The following DOCK10 variants were observed in gnomAD, a reference collection of about 807,000 sequenced individuals.
DOCK10 encodes dedicator of cytokinesis protein 10.
In DOCK10, 145 loss-of-function variants were observed where a neutral mutation model predicts 280.1. That is an observed-to-expected ratio of 0.52 (90% CI 0.45 to 0.59). The LOEUF (loss-of-function observed/expected upper bound fraction) is 0.59, where lower values mean the gene tolerates loss of function less well. Among genes scored for constraint, DOCK10 ranks in the 20% least tolerant of loss-of-function variants. The probability of loss-of-function intolerance (pLI) is 0.00; values close to 1 mark genes in which losing one functional copy is unlikely to be tolerated. For synonymous variants in DOCK10, 915 were observed against 942.2 expected, an observed-to-expected ratio of 0.97 and a Z score of 0.53; for missense variants, 2,368 against 2,651.7, an observed-to-expected ratio of 0.89 and a Z score of 2.35.
intron 1 of DOCK10, among the ~76,000 whole-genome samples, chr2:225,005,949 A>G (rs988671740): frequency 3.3e-5 from 5 of 152,248 alleles, no homozygotes; most frequent in African/African-American, 1.2e-4. Flanking sequence ...GCTGATGCTC[A>G]CTGCCAAAGA....
intron 1 of DOCK10, among the ~76,000 whole-genome samples, chr2:224,943,555 C>T (rs1324677725): frequency 2.0e-5 from 3 of 152,120 alleles, no homozygotes; most frequent in African/African-American, 7.2e-5. Flanking sequence ...TAAGTATCTG[C>T]AACGATCACT....
At chr2:224,849,697 T>C in intron 18 of DOCK10, 98 bp from the exon 19 acceptor site, 1 of 783,950 alleles carries the variant, frequency 1.3e-6, no homozygotes, top group Non-Finnish European at 2.1e-6. Flanking sequence ...CCTGGGACAA[T>C]GGCAAACTTT....
chr2:224,793,092 G>C lies in DOCK10; in HGVS notation c.5213-20C>G, dbSNP rs1692314772. ...AGTAACCTATGGTAGTGCAAGATGA[G>C]GTTAGGACATTGCTACATGTTTATG... On this transcript the variant is annotated intron_variant, in intron 46 of 55. Transcript: ENST00000258390. 3.3e-6 allele frequency: 5 copies of C among 1,525,344 alleles called. No homozygotes were observed. 94.5% of individuals were successfully genotyped at this position (1,525,344 alleles called of 1,614,324 possible).
rs1701350158 is a variant in DOCK10, at chr2:224,916,749, G to A, written c.279C>T (p.Tyr93=). The change falls in exon 3 of 56, where the codon TAC becomes TAT. Residue 93 remains tyrosine (Y), a synonymous_variant. Transcript: ENST00000258390. ...ATVSWDIRTL[Y]STVPEDAEHK... Reference sequence around the variant, plus strand: ...GCTCTGCATCTTCAGGTACTGTTGAGTACAACGTGCGGATATCCCAGGAAA... The same window carrying A: ...GCTCTGCATCTTCAGGTACTGTTGAATACAACGTGCGGATATCCCAGGAAA... 6.2e-7 allele frequency: 1 copy of A among 1,611,246 alleles called. No individual in the cohort carries two copies. The highest frequency in any genetic ancestry group is 8.5e-7 in the Non-Finnish European group (1 of 1,178,750).
intron 1 of DOCK10, among the ~76,000 whole-genome samples, chr2:225,038,969 A>T (rs1040556584): frequency 6.6e-6 from 1 of 152,200 alleles, no homozygotes; most frequent in Admixed American, 6.5e-5. Flanking sequence ...GTTTACCTAT[A>T]CTTTTTTTAA....
chr2:224,994,086 T>C (rs1375002673), intron 1 of DOCK10, among the ~76,000 whole-genome samples: 1 of 152,206 alleles, frequency 6.6e-6, no homozygotes, highest in African/African-American at 2.4e-5. Flanking sequence ...GGTGACATAT[T>C]ATATCGCTTT....
At chr2:224,876,828 G>C (rs1574978764) in intron 7 of DOCK10, among the ~76,000 whole-genome samples, 1 of 152,148 alleles carries the variant, frequency 6.6e-6, no homozygotes, top group Non-Finnish European at 1.5e-5. Context: ...ATGACCTCTA[G>C]TGAGAATCCT....
chr2:224,897,858 CTG>C (rs1320443567), intron 3 of DOCK10, among the ~76,000 whole-genome samples: 1 of 152,170 alleles, frequency 6.6e-6, no homozygotes, highest in Non-Finnish European at 1.5e-5. Flanking sequence ...GCACCTAGCA[CTG>C]TACTGATCAT....
chr2:224,903,603 T>C (rs1249296743), intron 3 of DOCK10, among the ~76,000 whole-genome samples: 1 of 152,222 alleles, frequency 6.6e-6, no homozygotes, highest in Non-Finnish European at 1.5e-5. Context: ...GAATGATGGA[T>C]GGTACTAAAA....
chr2:225,040,682 G>C (rs1270018299), intron 1 of DOCK10, among the ~76,000 whole-genome samples: 2 of 152,068 alleles, frequency 1.3e-5, no homozygotes, highest in Non-Finnish European at 2.9e-5. Context: ...GTTTCCATCA[G>C]ATCCTCAGTG....
Position 225,030,161 on chromosome 2 carries a change from A to G in DOCK10, c.123+12091T>C, listed in dbSNP as rs571408255. On this transcript the variant is annotated intron_variant, in intron 1 of 55. Transcript: ENST00000258390. ...ACTCTGTCTTTAAAAAAAAAAAAAAAAAAGAAAGAAAAAGAAAATACAGCT... is the reference window on the plus strand; with the variant it reads ...ACTCTGTCTTTAAAAAAAAAAAAAAGAAAGAAAGAAAAAGAAAATACAGCT... 2.9e-3 allele frequency among the ~76,000 whole-genome samples: 441 copies of G among 151,360 alleles called. 1 individual carries two copies. Among genetic ancestry groups the G allele is most frequent in the African/African-American group, 7.2e-3 (296 of 41,288 alleles).
At chr2:224,810,866 T>G (rs1693725434) in intron 31 of DOCK10, among the ~76,000 whole-genome samples, 3 of 152,240 alleles carry the variant, frequency 2.0e-5, no homozygotes, top group African/African-American at 7.2e-5. Flanking sequence ...TGCCACATTT[T>G]CTTAATCCAG....
At position 225,000,213 on chromosome 2, in the gene DOCK10, C is replaced by G. The variant is rs548486019; in HGVS notation, c.123+42039G>C. Reference sequence around the variant, plus strand: ...AGTCACACACACACACAGACACACACACACACACACAGACACACACACACA... The same window carrying G: ...AGTCACACACACACACAGACACACAGACACACACACAGACACACACACACA... On this transcript the variant is annotated intron_variant, in intron 1 of 55. Transcript: ENST00000258390. 6.1e-5 allele frequency among the ~76,000 whole-genome samples: 7 copies of G among 113,960 alleles called. No individual in the cohort carries two copies. In the Admixed American group the frequency reaches 6.9e-4, roughly 11 times the overall value. 74.8% of individuals were successfully genotyped at this position (113,960 alleles called of 152,430 possible).
chr2:224,896,106 A>T (rs1466614182), intron 4 of DOCK10, among the ~76,000 whole-genome samples, 189 bp downstream of exon 4: 2 of 152,202 alleles, frequency 1.3e-5, no homozygotes, highest in African/African-American at 4.8e-5. Context: ...ATCTGAATCC[A>T]AACTCTGTGA....
chr2:224,890,167 A>T (rs1409309504), intron 4 of DOCK10, among the ~76,000 whole-genome samples: 1 of 152,200 alleles, frequency 6.6e-6, no homozygotes, highest in Non-Finnish European at 1.5e-5. Context: ...TTTGTTTCTG[A>T]ACCTCCTATT....
chr2:224,774,993 G>T lies in DOCK10; in HGVS notation c.5925C>A (p.Asn1975Lys). 6.2e-7 allele frequency: 1 copy of T among 1,613,620 alleles called. No homozygotes were observed. Among genetic ancestry groups the T allele is most frequent in the Non-Finnish European group, 8.5e-7 (1 of 1,179,748 alleles). The change falls in exon 52 of 56, where the codon AAC becomes AAA. Residue 1975 changes from asparagine (N) to lysine (K), a missense_variant. Asn to Lys is a moderately conservative substitution (Grantham distance 94). This residue lies in a region of DOCK10 where 1,159 missense variants were observed against 1,400.8 expected (regional missense o/e 0.83). Transcript: ENST00000258390. ...TGAAGGGTGTCTCGAAGACAAAGCG[G>T]TTGATGTTGTGGTGCATTTCGAAAT... is the stretch of plus-strand genomic sequence containing the variant. ...KTDFEMHHNI[N>K]RFVFETPFTL...
chr2:224,887,478 T>C (rs1207780347), intron 4 of DOCK10, among the ~76,000 whole-genome samples: 1 of 164 alleles, frequency 6.1e-3, no homozygotes, highest in African/African-American at 0.022. Flanking sequence ...CATCTGGTTT[T>C]ATAAATGGAA....
At chr2:224,965,276 A>G (rs1488292512) in intron 1 of DOCK10, among the ~76,000 whole-genome samples, 1 of 152,196 alleles carries the variant, frequency 6.6e-6, no homozygotes, top group African/African-American at 2.4e-5. Context: ...AAAAGTGCCC[A>G]GATTTCATGT....
intron 1 of DOCK10, among the ~76,000 whole-genome samples, chr2:224,953,285 A>C (rs1703864754): frequency 6.6e-6 from 1 of 152,152 alleles, no homozygotes; most frequent in Non-Finnish European, 1.5e-5. Context: ...GAATGCTTGG[A>C]TAATTCATTT....
Sources: gnomAD v4.1 joint callset for allele counts (sites outside exome capture counted in the v4.1 genomes callset) on GRCh38, gnomAD v4.1.1 for gene constraint, gnomAD v4.1.1 regional missense constraint, MANE v1.5 for transcripts, NCBI Gene and HGNC (gene_info 2026-07-23, HGNC 2026-07-21) for gene names.